The following RALGAPA2 variants were observed in gnomAD, a reference collection of about 807,000 sequenced individuals.
RALGAPA2 encodes Ral GTPase activating protein catalytic subunit alpha 2, also known as ral GTPase-activating protein subunit alpha-2.
In RALGAPA2, 139 loss-of-function variants were observed where a neutral mutation model predicts 230.4. The observed-to-expected ratio is 0.60, with a 90% CI of 0.53 to 0.69. The LOEUF is 0.69. Among genes scored for constraint, RALGAPA2 ranks in the 30% least tolerant of loss-of-function variants. RALGAPA2 has a pLI of 0.00. For synonymous variants in RALGAPA2, 847 were observed against 837.8 expected (o/e 1.01, Z -0.19); for missense variants, 2,163 against 2,276.0 (o/e 0.95, Z 1.01).
At chr20:20,707,173 C>A (rs1231742524) in intron 1 of RALGAPA2, among the ~76,000 whole-genome samples, 1 of 152,110 alleles carries the variant, frequency 6.6e-6, no homozygotes, top group African/African-American at 2.4e-5. Context: ...CACCAATTAT[C>A]AAATTATAAA....
At position 20,510,550 on chromosome 20, in the gene RALGAPA2, A is replaced by T. The variant is rs986132913; in HGVS notation, c.4928+704T>A. Among the ~76,000 whole-genome samples, 14 of 151,624 alleles carry T rather than the reference A, an allele frequency of 9.2e-5. No individual in the cohort carries two copies. In the East Asian group the frequency reaches 2.7e-3, roughly 29 times the overall value. On this transcript the variant is annotated intron_variant, in intron 33 of 39. Coordinates refer to ENST00000202677, the MANE Select transcript of RALGAPA2 (RefSeq NM_020343.4). ...GTGTTTTTTTTTTTTAGAGTTTTTT[A>T]AAAAACTAAAGATTAAGGAGGCAGC...
chr20:20,712,352 C>T lies in RALGAPA2; in HGVS notation c.106+23G>A, dbSNP rs749558037. 1.2e-5 allele frequency: 19 copies of T among 1,544,860 alleles called. No homozygotes were observed. Among genetic ancestry groups the T allele is most frequent in the Non-Finnish European group, 1.5e-5 (17 of 1,144,104 alleles). On this transcript the variant is annotated intron_variant, in intron 1 of 39. Coordinates refer to ENST00000202677, the MANE Select transcript of RALGAPA2 (RefSeq NM_020343.4). The surrounding 1 kb of genome is among the most constrained non-coding windows in gnomAD (Gnocchi z 5.5). Reference sequence around the variant, plus strand: ...GTGCCCCTAACCCGGCGCCCCGACCCCCGCGCCCGGCGCGCGCCTCACCCA... The same window carrying T: ...GTGCCCCTAACCCGGCGCCCCGACCTCCGCGCCCGGCGCGCGCCTCACCCA...
At position 20,504,523 on chromosome 20, in the gene RALGAPA2, A is replaced by G. The variant is rs116047979; in HGVS notation, c.5052+888T>C. Among the ~76,000 whole-genome samples the G allele has an allele frequency of 5.0e-3, 754 of 152,258 alleles. 7 individuals carry two copies. The highest frequency in any genetic ancestry group is 0.017 in the African/African-American group (706 of 41,550). On this transcript the variant is annotated intron_variant, in intron 34 of 39. Coordinates refer to ENST00000202677, the MANE Select transcript of RALGAPA2 (RefSeq NM_020343.4). Reference sequence around the variant, plus strand: ...TGAATCACGAGGTTAAGAGATCAAGACCATCGTGGCCAACATGGTGAAACA... The same window carrying G: ...TGAATCACGAGGTTAAGAGATCAAGGCCATCGTGGCCAACATGGTGAAACA...
intron 1 of RALGAPA2, among the ~76,000 whole-genome samples, chr20:20,681,056 A>G (rs2068502485): frequency 6.6e-6 from 1 of 152,216 alleles, no homozygotes; most frequent in African/African-American, 2.4e-5. Context: ...GACAGGAGCC[A>G]GCAACAACGG....
intron 9 of RALGAPA2, among the ~76,000 whole-genome samples, chr20:20,631,784 G>C (rs1387265146): frequency 6.6e-6 from 1 of 152,232 alleles, no homozygotes; most frequent in African/African-American, 2.4e-5. Flanking sequence ...TATAGTGGCA[G>C]TCTCTAGAAT....
At position 20,412,124 on chromosome 20, in the gene RALGAPA2, G is replaced by A. The variant is rs749760318; in HGVS notation, c.5520C>T (p.Leu1840=). 8.7e-6 allele frequency: 14 copies of A among 1,613,800 alleles called. No individual in the cohort carries two copies. The Admixed American group carries it at 1.3e-4, about 15-fold the overall frequency. The part of the protein sequence containing the change: ...QSFYEERALY[L]EAIIQNHREV... ...CGCGGTGGTTCTGAATTATTGCTTC[G>A]AGATACAGAGCTCGCTCTTCATAGC... Residue 1840 remains leucine (L), a synonymous_variant, in exon 38 of 40, where the codon CTC becomes CTT. Coordinates refer to ENST00000202677, the MANE Select transcript of RALGAPA2 (RefSeq NM_020343.4).
At chr20:20,567,997 C>T (rs964523362) in intron 23 of RALGAPA2, among the ~76,000 whole-genome samples, 1 of 151,824 alleles carries the variant, frequency 6.6e-6, no homozygotes, top group Non-Finnish European at 1.5e-5. Flanking sequence ...GCACAGAGTC[C>T]AGCACTGTGA....
intron 23 of RALGAPA2, among the ~76,000 whole-genome samples, chr20:20,567,842 T>TTA (rs1555787487): frequency 8.4e-6 from 1 of 118,394 alleles, no homozygotes; most frequent in African/African-American, 3.2e-5. Flanking sequence ...ACCCCATCTC[T>TTA]AAAAAAAAAA....
chr20:20,408,967 C>T (rs1373723958), intron 38 of RALGAPA2, among the ~76,000 whole-genome samples: 1 of 152,164 alleles, frequency 6.6e-6, no homozygotes, highest in Non-Finnish European at 1.5e-5. Flanking sequence ...ATACGATGGT[C>T]TTTAAAAATA....
chr20:20,627,072 C>T (rs978704046), intron 10 of RALGAPA2, among the ~76,000 whole-genome samples: 2 of 152,060 alleles, frequency 1.3e-5, no homozygotes, highest in Non-Finnish European at 2.9e-5. Flanking sequence ...ATTTTAAAAT[C>T]GTGGACTATT....
rs766998611 is a variant in RALGAPA2, at chr20:20,505,545, T to G, written c.4929-11A>C. 4 of 1,550,576 alleles carry G rather than the reference T, an allele frequency of 2.6e-6. No individual in the cohort carries two copies. In the South Asian group the frequency reaches 5.0e-5, roughly 19 times the overall value. On this transcript the variant is annotated splice_polypyrimidine_tract_variant and intron_variant, in intron 33 of 39. Transcript: ENST00000202677. ...TTGTGTGTCTCACGGCTATAAATTT[T>G]TAAATTTAAAGGAGTTAGAATTCTT...
intron 37 of RALGAPA2, among the ~76,000 whole-genome samples, chr20:20,416,647 C>G (rs570607477): frequency 6.6e-6 from 1 of 152,288 alleles, no homozygotes; most frequent in East Asian, 1.9e-4. Flanking sequence ...GCATCTATAC[C>G]CAGATCATGC....
intron 23 of RALGAPA2, among the ~76,000 whole-genome samples, chr20:20,554,402 C>G (rs562637295): frequency 5.3e-5 from 8 of 152,132 alleles, no homozygotes; most frequent in Non-Finnish European, 1.0e-4. Flanking sequence ...ATGTTTTGTT[C>G]GTCTTTTCAT....
chr20:20,601,005 C>T (rs556224609), intron 16 of RALGAPA2, among the ~76,000 whole-genome samples: 20 of 152,060 alleles, frequency 1.3e-4, no homozygotes, highest in African/African-American at 4.8e-4. Context: ...GAGGCTGAGG[C>T]AGGAAAATTG....
At chr20:20,544,664 T>C (rs1045109473) in intron 24 of RALGAPA2, among the ~76,000 whole-genome samples, 2 of 152,188 alleles carry the variant, frequency 1.3e-5, no homozygotes, top group South Asian at 2.1e-4. Context: ...ATGTGGCATA[T>C]ATATACCATG....
chr20:20,514,499 A>C (rs1254514943), intron 31 of RALGAPA2, among the ~76,000 whole-genome samples: 1 of 151,464 alleles, frequency 6.6e-6, no homozygotes, highest in African/African-American at 2.4e-5. Flanking sequence ...ATCCAGATGG[A>C]TCTCCAGGTA....
intron 27 of RALGAPA2, among the ~76,000 whole-genome samples, chr20:20,529,948 G>C (rs2063325831): frequency 6.6e-6 from 1 of 151,952 alleles, no homozygotes; most frequent in Non-Finnish European, 1.5e-5. Context: ...CTAGATTTAA[G>C]AAAAAATAAA....
At chr20:20,692,137 T>C (rs1344396011) in intron 1 of RALGAPA2, among the ~76,000 whole-genome samples, 1 of 152,186 alleles carries the variant, frequency 6.6e-6, no homozygotes, top group Non-Finnish European at 1.5e-5. Context: ...ATAAACTTCT[T>C]TTCTTTATAA....
chr20:20,471,356 A>C (rs2061536088), intron 37 of RALGAPA2: 1 of 152,066 alleles, frequency 6.6e-6, no homozygotes, highest in Non-Finnish European at 1.5e-5. Flanking sequence ...AGAAGGTGAC[A>C]TGACAAAAGT....
Sources: allele counts gnomAD v4.1 joint callset (sites outside exome capture counted in the v4.1 genomes callset), GRCh38; gene constraint gnomAD v4.1.1; non-coding constraint Gnocchi (gnomAD v3.1); transcripts MANE v1.5; gene names NCBI Gene and HGNC (gene_info 2026-07-23, HGNC 2026-07-21).